TOP1: variants seen among roughly 807,000 people sequenced by gnomAD.
TOP1 encodes DNA topoisomerase I.
Under a neutral mutation model 111.1 loss-of-function variants are expected in TOP1, and 10 were observed. The ratio of observed to expected loss-of-function variants is 0.09; its 90% CI spans 0.06 to 0.15. The LOEUF is 0.15. Among genes scored for constraint, TOP1 ranks in the 10% least tolerant of loss-of-function variants. TOP1 has a pLI of 1.00. For missense variants in TOP1, 474 were observed against 926.7 expected, an observed-to-expected ratio of 0.51 and a Z score of 6.34; for synonymous variants, 271 against 302.9, an observed-to-expected ratio of 0.89 and a Z score of 1.10.
intron 2 of TOP1, among the ~76,000 whole-genome samples, chr20:41,052,252 C>G (rs1359156150): frequency 6.6e-6 from 1 of 152,170 alleles, no homozygotes; most frequent in African/African-American, 2.4e-5. Flanking sequence ...TCTCCAGCTT[C>G]CTTCAGAGGT....
rs2076575 is a variant in TOP1, at chr20:41,092,190, A to G, written c.615-282A>G. Among the ~76,000 whole-genome samples the G allele has an allele frequency of 0.19, 28,851 of 152,212 alleles. 3,676 individuals are homozygous for G. The highest frequency in any genetic ancestry group is 0.71 in the East Asian group (3,651 of 5,174). ...TACATTTTCAAGTCCCTCACTTGTT[A>G]CTGAGCTCCTTCATTGTTGATCTCT... is the stretch of plus-strand genomic sequence containing the variant. On this transcript the variant is annotated intron_variant, in intron 8 of 20. Transcript: ENST00000361337. The surrounding 1 kb of genome is among the most constrained non-coding windows in gnomAD (Gnocchi z 4.3).
Position 41,030,068 on chromosome 20 carries a change from T to C in TOP1, c.58+613T>C, listed in dbSNP as rs1484072913. 6.6e-6 allele frequency among the ~76,000 whole-genome samples: 1 copy of C among 152,134 alleles called. No individual in the cohort carries two copies. Among genetic ancestry groups the C allele is most frequent in the African/African-American group, 2.4e-5 (1 of 41,370 alleles). On this transcript the variant is annotated intron_variant, in intron 2 of 20. Coordinates refer to ENST00000361337, the MANE Select transcript of TOP1 (RefSeq NM_003286.4). The surrounding 1 kb of genome is among the most constrained non-coding windows in gnomAD (Gnocchi z 4.1). ...GGCTGTTTATGATAGGAATTATGGC[T>C]CTAAAACTAAAGCCACGCTTTGTGG...
intron 3 of TOP1, among the ~76,000 whole-genome samples, chr20:41,070,901 A>G (rs2033661917): frequency 1.3e-5 from 2 of 152,212 alleles, no homozygotes; most frequent in Admixed American, 6.5e-5. Flanking sequence ...TGGGTGAGTT[A>G]CTTAACTTGT....
Position 41,118,832 on chromosome 20 carries a change from C to T in TOP1, c.1950+536C>T, listed in dbSNP as rs541776757. 6.6e-6 allele frequency among the ~76,000 whole-genome samples: 1 copy of T among 152,330 alleles called. No homozygotes were observed. The highest frequency in any genetic ancestry group is 6.5e-5 in the Admixed American group (1 of 15,302). ...TGGCCGTGTGCCAGACAACTTGCTG[C>T]CCTAAAGGGAAAGACTGGTGTGCAA... On this transcript the variant is annotated intron_variant, in intron 18 of 20. Coordinates refer to ENST00000361337, the MANE Select transcript of TOP1 (RefSeq NM_003286.4). This position sits in a 1 kb window ranked among gnomAD's most constrained non-coding sequence, Gnocchi z 4.6.
rs1310839048 is a variant in TOP1 at position 41,115,206 on chromosome 20, CTG to C, written c.1639-162_1639-161del. ...TGGAGAGAGTGAGCATACATGCACA[CTG>C]TGCAAATGATGAATGGGGTAAAATG... On this transcript the variant is annotated intron_variant, in intron 15 of 20. Transcript: ENST00000361337. The surrounding 1 kb of genome is among the most constrained non-coding windows in gnomAD (Gnocchi z 6.3). Among the ~76,000 whole-genome samples, 2 of 151,802 alleles carry C rather than the reference CTG, an allele frequency of 1.3e-5. No homozygotes were observed. The highest frequency in any genetic ancestry group is 4.8e-5 in the African/African-American group (2 of 41,388).
intron 3 of TOP1, chr20:41,072,995 A>G: frequency 1.0e-6 from 1 of 985,230 alleles, no homozygotes; most frequent in Non-Finnish European, 1.2e-6. Flanking sequence ...GGGGTTTACT[A>G]CTCTAGCAGG....
intron 3 of TOP1, among the ~76,000 whole-genome samples, chr20:41,064,125 G>A (rs1453967439): frequency 5.9e-5 from 9 of 152,028 alleles, no homozygotes; most frequent in African/African-American, 9.7e-5. Context: ...AGTTTTCTGC[G>A]TATGGCTAGC....
rs1271832450 is a variant in TOP1, at chr20:41,094,045, C to T, written c.730+1458C>T. ...TCCAGCCTGTGTGACAGAGTGAGAC[C>T]CTGTCTCAAAAAATAAAATAATAAA... On this transcript the variant is annotated intron_variant, in intron 9 of 20. Coordinates refer to ENST00000361337, the MANE Select transcript of TOP1 (RefSeq NM_003286.4). The surrounding 1 kb of genome is among the most constrained non-coding windows in gnomAD (Gnocchi z 4.4). Among the ~76,000 whole-genome samples, 1 of 151,726 alleles carries T rather than the reference C, an allele frequency of 6.6e-6. No individual in the cohort carries two copies. The highest frequency in any genetic ancestry group is 2.4e-5 in the African/African-American group (1 of 41,246).
In TOP1 at chr20:41,061,988, T is replaced by C. The variant is rs2033550944; in HGVS notation, c.155+498T>C. Among the ~76,000 whole-genome samples the C allele has an allele frequency of 6.6e-6, 1 of 152,232 alleles. No individual in the cohort carries two copies. The highest frequency in any genetic ancestry group is 1.5e-5 in the Non-Finnish European group (1 of 68,040). On this transcript the variant is annotated intron_variant, in intron 3 of 20. Transcript: ENST00000361337. This position sits in a 1 kb window ranked among gnomAD's most constrained non-coding sequence, Gnocchi z 4.6. ...AGACTATTTGTAGCTTTCATCATGTTATCAGAGGAGTTCGGCTCCCACAAA... is the reference window on the plus strand; with the variant it reads ...AGACTATTTGTAGCTTTCATCATGTCATCAGAGGAGTTCGGCTCCCACAAA...
chr20:41,123,810 T>C lies in TOP1; in HGVS notation c.*513T>C, dbSNP rs767027295. ...ACCTGTTAGAGTCGTCACTCTCTATTGTCATGGGGATCAATTTTCATTAAA... is the reference window on the plus strand; with the variant it reads ...ACCTGTTAGAGTCGTCACTCTCTATCGTCATGGGGATCAATTTTCATTAAA... On this transcript the variant is annotated 3_prime_UTR_variant, in exon 21 of 21. Transcript: ENST00000361337. The surrounding 1 kb of genome is among the most constrained non-coding windows in gnomAD (Gnocchi z 5.8). 1.7e-5 allele frequency: 4 copies of C among 232,602 alleles called. No homozygotes were observed. Among genetic ancestry groups the C allele is most frequent in the Non-Finnish European group, 3.4e-5 (4 of 117,514 alleles). 14.4% of individuals were successfully genotyped at this position (232,602 alleles called of 1,614,324 possible).
intron 2 of TOP1, among the ~76,000 whole-genome samples, chr20:41,054,102 A>G (rs1294827234): frequency 6.6e-6 from 1 of 152,184 alleles, no homozygotes; most frequent in Admixed American, 6.5e-5. Flanking sequence ...CAAAATATAC[A>G]TTTAGTAAAG....
chr20:41,092,489 A>G lies in TOP1; in HGVS notation c.632A>G (p.Tyr211Cys). 1 of 1,596,890 alleles carries G rather than the reference A, an allele frequency of 6.3e-7. No individual in the cohort carries two copies. Among genetic ancestry groups the G allele is most frequent in the Non-Finnish European group, 8.5e-7 (1 of 1,171,386 alleles). ...QKWKWWEEER[Y>C]PEGIKWKFLE... ...TTTTAAAGGTGGGAAGAAGAGCGCTATCCTGAAGGCATCAAGTGGAAATTC... is the reference window on the plus strand; with the variant it reads ...TTTTAAAGGTGGGAAGAAGAGCGCTGTCCTGAAGGCATCAAGTGGAAATTC... The change falls in exon 9 of 21, where the codon TAT (tyrosine) becomes TGT (cysteine). Residue 211 changes from tyrosine to cysteine, a missense_variant. Coordinates refer to ENST00000361337, the MANE Select transcript of TOP1 (RefSeq NM_003286.4). The surrounding 1 kb of genome is among the most constrained non-coding windows in gnomAD (Gnocchi z 4.3).
Position 41,117,921 on chromosome 20 carries a change from A to G in TOP1, c.1823-248A>G, listed in dbSNP as rs2034359976. The stretch of plus-strand genomic sequence containing the variant: ...AGGTGTAGATTTTATTATATTACCT[A>G]GACTCAGAGTTCCTCTTGTGATAGG... On this transcript the variant is annotated intron_variant, in intron 17 of 20. Transcript: ENST00000361337. Among the ~76,000 whole-genome samples the G allele has an allele frequency of 2.0e-5, 3 of 152,172 alleles. No homozygotes were observed. The South Asian group carries it at 6.2e-4, about 31-fold the overall frequency.
chr20:41,068,838 G>A (rs546308170), intron 3 of TOP1, among the ~76,000 whole-genome samples: 2 of 152,262 alleles, frequency 1.3e-5, no homozygotes, highest in East Asian at 3.9e-4. Flanking sequence ...TAGATCTCTT[G>A]TATAAACAGA....
chr20:41,098,225 A>C lies in TOP1; in HGVS notation c.863A>C (p.Asn288Thr). 1 of 1,613,882 alleles carries C rather than the reference A, an allele frequency of 6.2e-7. No individual in the cohort carries two copies. Among genetic ancestry groups the C allele is most frequent in the East Asian group, 2.2e-5 (1 of 44,866 alleles). The change falls in exon 11 of 21, where the codon AAT becomes ACT. Residue 288 changes from asparagine (N) to threonine (T), a missense_variant. Coordinates refer to ENST00000361337, the MANE Select transcript of TOP1 (RefSeq NM_003286.4). The surrounding 1 kb of genome is among the most constrained non-coding windows in gnomAD (Gnocchi z 5.7). ...TTTTCTTTTGACTAGGAAATGACTA[A>C]TGAAGAGAAGAATATTATCACCAAC... ...FFKDWRKEMT[N>T]EEKNIITNLS...
rs1009143808 is a variant in TOP1, at chr20:41,067,492, C to T, written c.155+6002C>T. ...CTTTTTAAATAGTTTAGGGTTTCTT[C>T]GATTTCTTCTGTAGCAGATTAAAGA... On this transcript the variant is annotated intron_variant, in intron 3 of 20. Transcript: ENST00000361337. This position sits in a 1 kb window ranked among gnomAD's most constrained non-coding sequence, Gnocchi z 4.0. Among the ~76,000 whole-genome samples the T allele has an allele frequency of 7.2e-5, 11 of 152,110 alleles. No homozygotes were observed. Among genetic ancestry groups the T allele is most frequent in the African/African-American group, 2.2e-4 (9 of 41,418 alleles).
intron 2 of TOP1, among the ~76,000 whole-genome samples, chr20:41,056,662 C>T (rs936859445): frequency 3.3e-5 from 5 of 152,088 alleles, no homozygotes; most frequent in East Asian, 1.9e-4. Context: ...AAACAGTTTT[C>T]GTAGAGACAA....
Position 41,029,040 on chromosome 20 carries a change from G to T in TOP1, c.-28G>T. ...GCGTCTCCCCCACGCCGCCTCGCCTGCCGCCGCGCTCGTCCCTCCGGGCCG... is the reference window on the plus strand; with the variant it reads ...GCGTCTCCCCCACGCCGCCTCGCCTTCCGCCGCGCTCGTCCCTCCGGGCCG... On this transcript the variant is annotated 5_prime_UTR_variant, in exon 1 of 21. Coordinates refer to ENST00000361337, the MANE Select transcript of TOP1 (RefSeq NM_003286.4). This position sits in a 1 kb window ranked among gnomAD's most constrained non-coding sequence, Gnocchi z 6.1. 1 of 1,543,760 alleles carries T rather than the reference G, an allele frequency of 6.5e-7. No homozygotes were observed.
rs968335397 is a variant in TOP1 at position 41,123,503 on chromosome 20, G to T, written c.*206G>T. On this transcript the variant is annotated 3_prime_UTR_variant, in exon 21 of 21. Transcript: ENST00000361337. The surrounding 1 kb of genome is among the most constrained non-coding windows in gnomAD (Gnocchi z 5.8). ...GGACAACTTATTTAAAAATATTTCA[G>T]ATATCAAAATTCTAGCTGTATGATT... 5 of 432,526 alleles carry T rather than the reference G, an allele frequency of 1.2e-5. No individual in the cohort carries two copies. Among genetic ancestry groups the T allele is most frequent in the Non-Finnish European group, 2.0e-5 (5 of 245,688 alleles). The allele number at this position is 432,526 out of a possible 1,614,324, so 26.8% of individuals were successfully genotyped here.
Sources: gnomAD v4.1 joint callset for allele counts (sites outside exome capture counted in the v4.1 genomes callset) on GRCh38, gnomAD v4.1.1 for gene constraint, Gnocchi (gnomAD v3.1) non-coding constraint, MANE v1.5 for transcripts, NCBI Gene and HGNC (gene_info 2026-07-23, HGNC 2026-07-21) for gene names.